FAM241A: variants seen among roughly 807,000 people sequenced by gnomAD.
FAM241A encodes uncharacterized protein FAM241A.
Under a neutral mutation model 12.2 loss-of-function variants are expected in FAM241A, and 7 were observed. The observed-to-expected ratio is 0.58, with a 90% CI of 0.33 to 1.08. The LOEUF (loss-of-function observed/expected upper bound fraction) is 1.08. FAM241A is among the 50% of genes least tolerant of loss of function. FAM241A has a pLI of 0.04. For missense variants in FAM241A, 161 were observed against 169.7 expected (o/e 0.95, Z 0.29); for synonymous variants, 74 against 68.2 (o/e 1.08, Z -0.42).
intron 1 of FAM241A, among the ~76,000 whole-genome samples, chr4:112,182,937 A>G (rs991764655): frequency 6.6e-6 from 1 of 151,304 alleles, no homozygotes; most frequent in African/African-American, 2.4e-5. Flanking sequence ...AAGAATATTG[A>G]TCATTTTCCT....
chr4:112,179,452 G>A lies in FAM241A; in HGVS notation c.154-7241G>A, dbSNP rs541454343. On this transcript the variant is annotated intron_variant, in intron 1 of 1. Transcript: ENST00000309733. ...AAACCATCATTCTCAGCAAACTATC[G>A]CAAGGACAAAAAACCAAACACCGCA... Among the ~76,000 whole-genome samples the A allele has an allele frequency of 2.4e-4, 37 of 151,974 alleles. 1 individual carries two copies. In the South Asian group the frequency reaches 5.8e-3, roughly 24 times the overall value.
rs1295986145 is a variant in FAM241A at position 112,193,174 on chromosome 4, G to T, written c.*6236G>T. On this transcript the variant is annotated 3_prime_UTR_variant, in exon 2 of 2. Coordinates refer to ENST00000309733, the MANE Select transcript of FAM241A (RefSeq NM_152400.3). The stretch of plus-strand genomic sequence containing the variant: ...TGAGAAGTGTCTGTTCATGTCCTTT[G>T]CCCACTTTTTGATGGGGTTGTTTGT... 2.7e-5 allele frequency: 4 copies of T among 150,896 alleles called. No homozygotes were observed. The East Asian group carries it at 7.8e-4, about 29-fold the overall frequency. The allele number at this position is 150,896 out of a possible 1,614,324, so 9.3% of individuals were successfully genotyped here.
chr4:112,183,870 GA>G (rs1578380154), intron 1 of FAM241A, among the ~76,000 whole-genome samples: 1 of 151,870 alleles, frequency 6.6e-6, no homozygotes, highest in East Asian at 1.9e-4. Context: ...TATTAGGCAA[GA>G]ATAAGGGTTT....
At chr4:112,151,753 G>T (rs1188655145) in intron 1 of FAM241A, among the ~76,000 whole-genome samples, 2 of 152,162 alleles carry the variant, frequency 1.3e-5, no homozygotes, top group Admixed American at 6.5e-5. Flanking sequence ...TAAAATATGA[G>T]AAGCCAATAG....
chr4:112,180,149 C>G (rs1723904350), intron 1 of FAM241A, among the ~76,000 whole-genome samples: 1 of 148,860 alleles, frequency 6.7e-6, no homozygotes, highest in Non-Finnish European at 1.5e-5. Flanking sequence ...AGGAGCTAAA[C>G]ATTGGGTACT....
intron 1 of FAM241A, among the ~76,000 whole-genome samples, chr4:112,167,656 T>G (rs1373036133): frequency 6.6e-6 from 1 of 152,202 alleles, no homozygotes; most frequent in Non-Finnish European, 1.5e-5. Context: ...TAGGAAGGGA[T>G]AGTGCAGCAG....
chr4:112,168,507 T>C (rs933804320), intron 1 of FAM241A, among the ~76,000 whole-genome samples: 1 of 152,208 alleles, frequency 6.6e-6, no homozygotes, highest in Non-Finnish European at 1.5e-5. Context: ...ACAATAAATA[T>C]AAATGGCATT....
At chr4:112,166,176 G>A (rs1723590759) in intron 1 of FAM241A, among the ~76,000 whole-genome samples, 1 of 150,756 alleles carries the variant, frequency 6.6e-6, no homozygotes, top group African/African-American at 2.4e-5. Context: ...CCTCTCCCGA[G>A]TAGCTGGGAC....
At chr4:112,168,327 C>A (rs915277063) in intron 1 of FAM241A, among the ~76,000 whole-genome samples, 1 of 152,106 alleles carries the variant, frequency 6.6e-6, no homozygotes, top group African/African-American at 2.4e-5. Context: ...TTTTTCCCTA[C>A]TTAGTCCAAA....
intron 1 of FAM241A, among the ~76,000 whole-genome samples, chr4:112,153,420 T>A (rs749895470): frequency 1.3e-5 from 2 of 152,222 alleles, no homozygotes; most frequent in Non-Finnish European, 2.9e-5. Context: ...AGCAACACTG[T>A]CTTCATTTTC....
At chr4:112,161,183 G>A (rs1723459365) in intron 1 of FAM241A, among the ~76,000 whole-genome samples, 1 of 152,146 alleles carries the variant, frequency 6.6e-6, no homozygotes, top group South Asian at 2.1e-4. Context: ...GAAATTTATA[G>A]CACTAAATGC....
At position 112,191,489 on chromosome 4, in the gene FAM241A, A is replaced by G. The variant is rs73843023; in HGVS notation, c.*4551A>G. 13,490 of 152,298 alleles carry G rather than the reference A, an allele frequency of 0.089. 710 individuals carry two copies. The highest frequency in any genetic ancestry group is 0.13 in the South Asian group (643 of 4,828). The allele number at this position is 152,298 out of a possible 1,614,324, so 9.4% of individuals were successfully genotyped here. A position where few individuals can be genotyped will look rare whatever the true frequency, so the allele number is the denominator to read the frequency against. On this transcript the variant is annotated 3_prime_UTR_variant, in exon 2 of 2. Coordinates refer to ENST00000309733, the MANE Select transcript of FAM241A (RefSeq NM_152400.3). ...ATATGTTTTACAAGGCTCTTCATGT[A>G]CTGGTTCTTGCGTACCTCATCTCTC...
rs1578383253 is a variant in FAM241A, at chr4:112,192,472, A to G, written c.*5534A>G. On this transcript the variant is annotated 3_prime_UTR_variant, in exon 2 of 2. Transcript: ENST00000309733. The stretch of plus-strand genomic sequence containing the variant: ...TAACTCGTCATTTAGCATTAGGTAT[A>G]TCTCCTAATGCTATCCCTCTCCCCT... 6.7e-6 allele frequency: 1 copy of G among 149,484 alleles called. No homozygotes were observed. The highest frequency in any genetic ancestry group is 2.0e-4 in the East Asian group (1 of 5,038). 9.3% of individuals were successfully genotyped at this position (149,484 alleles called of 1,614,324 possible).
rs1272595372 is a variant in FAM241A, at chr4:112,190,513, C to T, written c.*3575C>T. On this transcript the variant is annotated 3_prime_UTR_variant, in exon 2 of 2. Coordinates refer to ENST00000309733, the MANE Select transcript of FAM241A (RefSeq NM_152400.3). The stretch of plus-strand genomic sequence containing the variant: ...CTAGCCTGACCAACATGGAGAAACC[C>T]CGTCTCTACTAAAAAAAAAAAAAAA... 1 of 143,130 alleles carries T rather than the reference C, an allele frequency of 7.0e-6. No individual in the cohort carries two copies. The highest frequency in any genetic ancestry group is 1.5e-5 in the Non-Finnish European group (1 of 66,214). 8.9% of individuals were successfully genotyped at this position (143,130 alleles called of 1,614,324 possible).
At chr4:112,165,231 T>G (rs1290752739) in intron 1 of FAM241A, among the ~76,000 whole-genome samples, 1 of 152,158 alleles carries the variant, frequency 6.6e-6, no homozygotes, top group Non-Finnish European at 1.5e-5. Flanking sequence ...TGAAATGTCT[T>G]TTATCCAAAA....
At chr4:112,171,002 T>C (rs1392078102) in intron 1 of FAM241A, among the ~76,000 whole-genome samples, 1 of 152,004 alleles carries the variant, frequency 6.6e-6, no homozygotes, top group African/African-American at 2.4e-5. Context: ...TAGAGATTGG[T>C]TTTGTTTTTT....
rs528766203 is a variant in FAM241A at position 112,176,808 on chromosome 4, T to C, written c.154-9885T>C. On this transcript the variant is annotated intron_variant, in intron 1 of 1. Transcript: ENST00000309733. ...TGCATGTCATAGTCAGTACTCTCTG[T>C]ATAACCACAAAGGAAACTGTACATT... 8.9e-5 allele frequency among the ~76,000 whole-genome samples: 6 copies of C among 67,362 alleles called. No individual in the cohort carries two copies. In the South Asian group the frequency reaches 2.6e-3, roughly 29 times the overall value. 44.2% of individuals were successfully genotyped at this position (67,362 alleles called of 152,430 possible).
At chr4:112,159,258 ATCTT>A (rs977072518) in intron 1 of FAM241A, among the ~76,000 whole-genome samples, 3 of 152,220 alleles carry the variant, frequency 2.0e-5, no homozygotes, top group African/African-American at 7.2e-5. Flanking sequence ...ATGGTAACAT[ATCTT>A]TCTTCAATCT....
chr4:112,151,188 G>A (rs530230537), intron 1 of FAM241A, among the ~76,000 whole-genome samples: 3 of 151,978 alleles, frequency 2.0e-5, no homozygotes, highest in Non-Finnish European at 4.4e-5. Context: ...GTAAATTGTC[G>A]CCCACTTAGT....
Sources: allele counts gnomAD v4.1 joint callset (sites outside exome capture counted in the v4.1 genomes callset), GRCh38; gene constraint gnomAD v4.1.1; transcripts MANE v1.5; gene names NCBI Gene and HGNC (gene_info 2026-07-23, HGNC 2026-07-21).